The following C2CD3 variants were observed in gnomAD, a reference collection of about 807,000 sequenced individuals.
C2CD3 encodes C2 domain-containing protein 3.
Under a neutral mutation model 234.0 loss-of-function variants are expected in C2CD3, and 148 were observed. That is an observed-to-expected ratio of 0.63 (90% confidence interval 0.55 to 0.72). The LOEUF (loss-of-function observed/expected upper bound fraction) is 0.72, where lower values mean the gene tolerates loss of function less well. Ranked by LOEUF, C2CD3 falls within the 30% of genes least tolerant of loss-of-function variation. The probability of loss-of-function intolerance (pLI) is 0.00; values close to 1 mark genes in which losing one functional copy is unlikely to be tolerated. For missense variants in C2CD3, 2,577 were observed against 2,811.5 expected, an observed-to-expected ratio of 0.92 and a Z score of 1.89; for synonymous variants, 1,000 against 1,035.4, an observed-to-expected ratio of 0.97 and a Z score of 0.66.
intron 9 of C2CD3, among the ~76,000 whole-genome samples, chr11:74,115,121 A>T (rs1956879467): frequency 6.6e-6 from 1 of 152,042 alleles, no homozygotes; most frequent in African/African-American, 2.4e-5. Flanking sequence ...AAGGTTTGAG[A>T]GTGTATATTC....
rs1726735 is a variant in C2CD3, at chr11:74,078,732, T to G, written c.4001-15A>C. ...TCCTGTGATCCCTTACGGGAGAAAA[T>G]AAAGATTCTCAATTATAGTCTTAAA... On this transcript the variant is annotated splice_polypyrimidine_tract_variant and intron_variant, in intron 22 of 32. Transcript: ENST00000334126. 0.5 allele frequency: 785,495 copies of G among 1,557,124 alleles called. 205,143 individuals carry two copies. The highest frequency in any genetic ancestry group is 0.88 in the African/African-American group (63,818 of 72,432).
At position 74,114,390 on chromosome 11, in the gene C2CD3, T is replaced by G; in HGVS notation, c.1724A>C (p.Lys575Thr). The change falls in exon 10 of 33, where the codon AAA becomes ACA. Residue 575 changes from lysine (K) to threonine (T), a missense_variant. Transcript: ENST00000334126. ...AGPPPKVTTA[K>T]KRTFFVEYHF... is the part of the protein sequence containing the mutation. ...TCTCATGTTAGAGACATACCGCTTT[T>G]TTGCTGTAGTCACCTTAGGTGGTGG... The G allele has an allele frequency of 6.2e-7, 1 of 1,613,252 alleles. No individual in the cohort carries two copies. The highest frequency in any genetic ancestry group is 8.5e-7 in the Non-Finnish European group (1 of 1,179,362).
At chr11:74,095,039 A>T (rs953647662) in intron 17 of C2CD3, among the ~76,000 whole-genome samples, 189 bp downstream of exon 17, 2 of 152,182 alleles carry the variant, frequency 1.3e-5, no homozygotes, top group African/African-American at 4.8e-5. Context: ...GTAAATTTGA[A>T]ATTGTATCAA....
intron 29 of C2CD3, 135 bp downstream of exon 29, chr11:74,041,918 TA>T: frequency 1.3e-6 from 1 of 797,174 alleles, no homozygotes; most frequent in Non-Finnish European, 2.0e-6. Context: ...AACCTGATAC[TA>T]ACATGCAAAA....
At chr11:74,161,156 A>G (rs1048329086) in intron 3 of C2CD3, among the ~76,000 whole-genome samples, 4 of 152,212 alleles carry the variant, frequency 2.6e-5, no homozygotes, top group Non-Finnish European at 1.5e-5. Context: ...AGAGTACAAG[A>G]AGAATGAATG....
In C2CD3 at chr11:74,078,502, T is replaced by A; in HGVS notation, c.4216A>T (p.Thr1406Ser). The change falls in exon 23 of 33, where the codon ACT becomes TCT. Residue 1406 changes from threonine (T) to serine (S), a missense_variant. By Grantham distance (58) the Thr-to-Ser change is moderately conservative (BLOSUM62 1). Transcript: ENST00000334126. ...AGCCTTGGGGTGGAGATGGTGACAG[T>A]GGCTGGCTCCCCTTCATCCATTCTG... ...FVRMDEGEPA[T>S]VTISTPRLWL... 6.2e-7 allele frequency: 1 copy of A among 1,614,168 alleles called. No individual in the cohort carries two copies. Among genetic ancestry groups the A allele is most frequent in the Non-Finnish European group, 8.5e-7 (1 of 1,180,018 alleles).
At chr11:74,123,252 G>T (rs1234873029) in intron 7 of C2CD3, 117 bp from the exon 8 acceptor site, 2 of 696,770 alleles carry the variant, frequency 2.9e-6, no homozygotes, top group African/African-American at 1.8e-5. Flanking sequence ...TTAAACAAAA[G>T]ACTCACATTA....
At chr11:74,030,712 T>C (rs1591287930) in intron 31 of C2CD3, among the ~76,000 whole-genome samples, 1 of 152,136 alleles carries the variant, frequency 6.6e-6, no homozygotes, top group Non-Finnish European at 1.5e-5. Flanking sequence ...CAGAGATGCC[T>C]ACCTTTATGG....
chr11:74,085,984 C>T, intron 20 of C2CD3, 98 bp from the exon 21 acceptor site: 1 of 1,250,562 alleles, frequency 8.0e-7, no homozygotes, highest in Non-Finnish European at 1.1e-6. Context: ...ATGAGACCAC[C>T]AAGAATAAAA....
rs368255640 is a variant in C2CD3 at position 74,064,002 on chromosome 11, A to G, written c.4952-6458T>C. 3.2e-4 allele frequency among the ~76,000 whole-genome samples: 49 copies of G among 152,070 alleles called. No homozygotes were observed. The South Asian group carries it at 9.8e-3, about 30-fold the overall frequency. On this transcript the variant is annotated intron_variant, in intron 24 of 32. Transcript: ENST00000334126. Reference sequence around the variant, plus strand: ...GCCATTTTGGTGTGCTGCACCCATTAACTCATCATTTAGCATTAGGTATAT... The same window carrying G: ...GCCATTTTGGTGTGCTGCACCCATTGACTCATCATTTAGCATTAGGTATAT...
intron 24 of C2CD3, 55 bp from the exon 25 acceptor site, chr11:74,057,599 A>G: frequency 6.3e-7 from 1 of 1,578,160 alleles, no homozygotes; most frequent in Non-Finnish European, 8.7e-7. Flanking sequence ...GAAGCCTCAG[A>G]TTATACAGGC....
intron 32 of C2CD3, 102 bp downstream of exon 32, chr11:74,028,185 C>A: frequency 1.2e-6 from 1 of 821,098 alleles, no homozygotes; most frequent in East Asian, 2.7e-5. Context: ...CCTGCTGCAG[C>A]CTTTCCAGGA....
At chr11:74,152,763 A>G (rs1211053757) in intron 3 of C2CD3, among the ~76,000 whole-genome samples, 2 of 152,240 alleles carry the variant, frequency 1.3e-5, no homozygotes, top group Non-Finnish European at 2.9e-5. Context: ...TTAACAGACC[A>G]AAAGAAAAAA....
intron 30 of C2CD3, chr11:74,034,713 C>T (rs1952657512): frequency 2.2e-6 from 2 of 915,632 alleles, no homozygotes; most frequent in East Asian, 2.5e-5. Context: ...ATATCTATCA[C>T]CCATATGATA....
At chr11:74,105,299 C>T (rs7943916) in intron 13 of C2CD3, among the ~76,000 whole-genome samples, 15,103 of 151,724 alleles carry the variant, frequency 0.1, 2,085 homozygotes, top group African/African-American at 0.32. Context: ...GAGACAGAGT[C>T]TTGCTCTGTC....
chr11:74,022,104 C>T (rs1449683757), intron 32 of C2CD3, among the ~76,000 whole-genome samples: 1 of 151,236 alleles, frequency 6.6e-6, no homozygotes, highest in Non-Finnish European at 1.5e-5. Flanking sequence ...CCGACCTGGG[C>T]AAGAGTGAGA....
At chr11:74,132,791 C>T (rs965621831) in intron 7 of C2CD3, 53 bp downstream of exon 7, 2 of 1,540,530 alleles carry the variant, frequency 1.3e-6, no homozygotes, top group Non-Finnish European at 1.8e-6. Context: ...ACAATGCATA[C>T]TATGAATTGG....
chr11:74,054,000 C>T (rs1259799060), intron 26 of C2CD3, among the ~76,000 whole-genome samples: 1 of 151,724 alleles, frequency 6.6e-6, no homozygotes, highest in Non-Finnish European at 1.5e-5. Context: ...CAGCCAGGCG[C>T]GGTGGCTCAC....
Position 74,146,710 on chromosome 11 carries a change from CCACACACACACACA to C in C2CD3, c.484-6896_484-6883del, listed in dbSNP as rs141560536. ...TTTGTCTACAAGGCTAAAAGTCAAA[CCACACACACACACA>C]CACACACACACACACACACACACAA... On this transcript the variant is annotated intron_variant, in intron 3 of 32. Transcript: ENST00000334126. Among the ~76,000 whole-genome samples the C allele has an allele frequency of 7.1e-3, 602 of 85,000 alleles. 5 individuals carry two copies. The highest frequency in any genetic ancestry group is 0.038 in the African/African-American group (505 of 13,340). The allele number at this position is 85,000 out of a possible 152,430, so 55.8% of individuals were successfully genotyped here.
Sources: gnomAD v4.1 joint callset for allele counts (sites outside exome capture counted in the v4.1 genomes callset) on GRCh38, gnomAD v4.1.1 for gene constraint, MANE v1.5 for transcripts, NCBI Gene and HGNC (gene_info 2026-07-23, HGNC 2026-07-21) for gene names.